Variants in ADAMTS3 observed in about 807,000 individuals in gnomAD.
ADAMTS3 encodes A disintegrin and metalloproteinase with thrombospondin motifs 3.
A neutral mutation model predicts 129.0 loss-of-function variants in ADAMTS3; 73 were observed. That is an observed-to-expected ratio of 0.57 (90% CI 0.47 to 0.69). The LOEUF (loss-of-function observed/expected upper bound fraction) is 0.69. Ranked by LOEUF, ADAMTS3 falls within the 30% of genes least tolerant of loss-of-function variation. The pLI is 0.00. For missense variants in ADAMTS3, 1,457 were observed against 1,514.5 expected, an observed-to-expected ratio of 0.96 and a Z score of 0.63; for synonymous variants, 477 against 510.8, an observed-to-expected ratio of 0.93 and a Z score of 0.89.
At chr4:72,308,942 A>G (rs1719157369) in intron 15 of ADAMTS3, among the ~76,000 whole-genome samples, 1 of 152,038 alleles carries the variant, frequency 6.6e-6, no homozygotes, top group Non-Finnish European at 1.5e-5. Flanking sequence ...ATTTATAAAC[A>G]GGATAAAATT....
intron 2 of ADAMTS3, 104 bp from the exon 3 acceptor site, chr4:72,548,988 T>A (rs946721497): frequency 8.0e-5 from 81 of 1,008,516 alleles, no homozygotes; most frequent in Non-Finnish European, 1.0e-4. Flanking sequence ...TACTTCAATG[T>A]GCATAATATA....
At chr4:72,535,016 T>G (rs1721151224) in intron 3 of ADAMTS3, among the ~76,000 whole-genome samples, 1 of 152,192 alleles carries the variant, frequency 6.6e-6, no homozygotes, top group Non-Finnish European at 1.5e-5. Flanking sequence ...AAGCCAAGGC[T>G]GGAAGTGAGG....
chr4:72,451,809 T>C (rs2109971021), intron 3 of ADAMTS3, among the ~76,000 whole-genome samples: 1 of 151,890 alleles, frequency 6.6e-6, no homozygotes, highest in East Asian at 2.0e-4. Context: ...AGCTTTAAAG[T>C]TTGGAGGCCA....
intron 5 of ADAMTS3, among the ~76,000 whole-genome samples, chr4:72,335,110 G>T (rs1719956204): frequency 6.6e-6 from 1 of 152,136 alleles, no homozygotes; most frequent in African/African-American, 2.4e-5. Context: ...AGATTATGGA[G>T]AATTAAGGTT....
chr4:72,339,698 T>TTA lies in ADAMTS3; in HGVS notation c.662-6_662-5insTA. On this transcript the variant is annotated splice_polypyrimidine_tract_variant and splice_region_variant and intron_variant, in intron 4 of 21. Transcript: ENST00000286657. Reference sequence around the variant, plus strand: ...CAAGGCCTTCCAGGTCCGACTCTAATAAGAGACAAAAGGAACCAGGAATTT... The same window carrying TTA: ...CAAGGCCTTCCAGGTCCGACTCTAATTAAAGAGACAAAAGGAACCAGGAATTT... 6.2e-7 allele frequency: 1 copy of TTA among 1,613,032 alleles called. No homozygotes were observed. The highest frequency in any genetic ancestry group is 8.5e-7 in the Non-Finnish European group (1 of 1,179,352).
At chr4:72,415,475 T>C (rs1464689545) in intron 3 of ADAMTS3, among the ~76,000 whole-genome samples, 1 of 152,066 alleles carries the variant, frequency 6.6e-6, no homozygotes, top group Non-Finnish European at 1.5e-5. Flanking sequence ...TGTAAAGTTA[T>C]TTCTTTAAAA....
chr4:72,315,775 T>A, intron 11 of ADAMTS3, 83 bp downstream of exon 11: 2 of 859,500 alleles, frequency 2.3e-6, no homozygotes, highest in Non-Finnish European at 3.7e-6. Context: ...ACAGTGCAGC[T>A]GTGTTTACCA....
intron 3 of ADAMTS3, among the ~76,000 whole-genome samples, chr4:72,543,116 A>G (rs1338926747): frequency 6.6e-6 from 1 of 152,178 alleles, no homozygotes; most frequent in Non-Finnish European, 1.5e-5. Context: ...ATATGGATAA[A>G]TTTCTAAATT....
intron 15 of ADAMTS3, among the ~76,000 whole-genome samples, chr4:72,307,671 T>C (rs1378825868): frequency 6.6e-6 from 1 of 152,044 alleles, no homozygotes; most frequent in Non-Finnish European, 1.5e-5. Flanking sequence ...AAACTGTTAA[T>C]AGTCAATGAA....
intron 3 of ADAMTS3, among the ~76,000 whole-genome samples, chr4:72,482,732 T>C (rs997615074): frequency 6.6e-6 from 1 of 152,116 alleles, no homozygotes; most frequent in Non-Finnish European, 1.5e-5. Context: ...AAAGGTTTAA[T>C]TTAAAAAAAA....
intron 2 of ADAMTS3, among the ~76,000 whole-genome samples, chr4:72,550,816 T>C: frequency 6.6e-6 from 1 of 152,110 alleles, no homozygotes; most frequent in East Asian, 1.9e-4. Context: ...GTTTCCAAAG[T>C]AAGGAGATGA....
Position 72,406,860 on chromosome 4 carries a change from T to C in ADAMTS3, c.661+7955A>G, listed in dbSNP as rs148450051. Among the ~76,000 whole-genome samples the C allele has an allele frequency of 6.5e-3, 993 of 152,304 alleles. 8 individuals carry two copies. Among genetic ancestry groups the C allele is most frequent in the Non-Finnish European group, 0.011 (732 of 68,020 alleles). On this transcript the variant is annotated intron_variant, in intron 4 of 21. Coordinates refer to ENST00000286657, the MANE Select transcript of ADAMTS3 (RefSeq NM_014243.3). The stretch of plus-strand genomic sequence containing the variant: ...AATATGTTTCAGAGATGCCCATTAA[T>C]AATATGTGTAAGTCTGAGCTGGCAG...
chr4:72,296,908 G>A (rs192043639), intron 18 of ADAMTS3, among the ~76,000 whole-genome samples: 1 of 151,872 alleles, frequency 6.6e-6, no homozygotes, highest in Non-Finnish European at 1.5e-5. Flanking sequence ...TTTGTCTTAC[G>A]GCATTTACTA....
intron 4 of ADAMTS3, among the ~76,000 whole-genome samples, chr4:72,394,477 C>T (rs1208669748): frequency 1.3e-5 from 2 of 152,198 alleles, no homozygotes; most frequent in Non-Finnish European, 2.9e-5. Context: ...TCATGGGCCT[C>T]TGTCTCTTGC....
At chr4:72,298,111 T>G (rs1284723537) in intron 18 of ADAMTS3, 166 bp downstream of exon 18, 3 of 542,180 alleles carry the variant, frequency 5.5e-6, no homozygotes, top group Non-Finnish European at 6.4e-6. Flanking sequence ...ATCCTATGAT[T>G]TGGTGATTCT....
rs1720734503 is a variant in ADAMTS3, at chr4:72,523,714, TTTAA to T, written c.504+24760_504+24763del. On this transcript the variant is annotated intron_variant, in intron 3 of 21. Transcript: ENST00000286657. ...CCACTCAAAATGACTCATTTTGACA[TTTAA>T]TTATTTCCATGCATGAGGTGAACAA... Among the ~76,000 whole-genome samples, 3 of 152,066 alleles carry T rather than the reference TTTAA, an allele frequency of 2.0e-5. No individual in the cohort carries two copies. The South Asian group carries it at 6.2e-4, about 32-fold the overall frequency.
intron 10 of ADAMTS3, among the ~76,000 whole-genome samples, chr4:72,316,758 T>C (rs1719409423): frequency 6.6e-6 from 1 of 151,782 alleles, no homozygotes; most frequent in East Asian, 1.9e-4. Context: ...AGAAAAAAAT[T>C]GTCAAACTTT....
chr4:72,389,521 G>GA (rs766273476), intron 4 of ADAMTS3, among the ~76,000 whole-genome samples: 3 of 141,460 alleles, frequency 2.1e-5, no homozygotes, highest in Non-Finnish European at 4.6e-5. Context: ...ATTAAAAGAT[G>GA]AAAAAAACAA....
intron 12 of ADAMTS3, 110 bp from the exon 13 acceptor site, chr4:72,312,576 A>C (rs1262971502): frequency 2.1e-6 from 2 of 968,284 alleles, no homozygotes; most frequent in Non-Finnish European, 3.0e-6. Flanking sequence ...CTGCCAGCAC[A>C]AAGTGAATGA....
Sources: allele counts gnomAD v4.1 joint callset (sites outside exome capture counted in the v4.1 genomes callset), GRCh38; gene constraint gnomAD v4.1.1; transcripts MANE v1.5; gene names NCBI Gene and HGNC (gene_info 2026-07-23, HGNC 2026-07-21).